The following EEIG2 variants were observed in gnomAD, a reference collection of about 807,000 sequenced individuals.
The protein encoded by EEIG2 is EEIG family member 2, also known as family with sequence similarity 102 member B.
chr1:108,600,692 A>C, the EEIG2 span: 719 of 1,601,690 alleles, frequency 4.5e-4, no homozygotes, highest in Non-Finnish European at 5.9e-4. Flanking sequence ...GGAAGGTATA[A>C]AAATAGCCTA....
the EEIG2 span, among the ~76,000 whole-genome samples, chr1:108,565,078 TATTA>T: frequency 6.6e-6 from 1 of 152,380 alleles, no homozygotes; most frequent in South Asian, 2.1e-4. Context: ...TAATAAATAT[TATTA>T]AAATGGTCAG....
At chr1:108,629,992 A>G in the EEIG2 span, among the ~76,000 whole-genome samples, 1 of 152,162 alleles carries the variant, frequency 6.6e-6, no homozygotes, top group East Asian at 1.9e-4. Flanking sequence ...TTTTTTATTA[A>G]TTTATTTTCT....
chr1:108,618,191 AG>A, the EEIG2 span, among the ~76,000 whole-genome samples: 1 of 152,208 alleles, frequency 6.6e-6, no homozygotes, highest in South Asian at 2.1e-4. Context: ...GATCCAGAAA[AG>A]GGACTGTTGC....
At chr1:108,629,938 A>C in the EEIG2 span, 1 of 381,810 alleles carries the variant, frequency 2.6e-6, no homozygotes, top group Admixed American at 4.2e-5. Flanking sequence ...GTTGCAATAT[A>C]AAAGGACACT....
chr1:108,560,453 T>C, the EEIG2 span: 1 of 1,611,994 alleles, frequency 6.2e-7, no homozygotes, highest in South Asian at 1.1e-5. Flanking sequence ...GAAGTTTAAG[T>C]TTAAGGTGGA....
the EEIG2 span, among the ~76,000 whole-genome samples, chr1:108,602,275 C>T: frequency 6.6e-6 from 1 of 152,126 alleles, no homozygotes; most frequent in African/African-American, 2.4e-5. Context: ...CTCTGGGTGG[C>T]TTTAAACAAC....
chr1:108,635,347 G>C, the EEIG2 span: 1 of 621,306 alleles, frequency 1.6e-6, no homozygotes, highest in Non-Finnish European at 2.8e-6. Context: ...GCAGTCTCCA[G>C]GCACTGTGCC....
chr1:108,622,164 AAAAAG>A, the EEIG2 span, among the ~76,000 whole-genome samples: 2 of 152,242 alleles, frequency 1.3e-5, no homozygotes, highest in Non-Finnish European at 2.9e-5. Context: ...TCAAAAAAGA[AAAAAG>A]AAAGGAGAAA....
chr1:108,637,260 A>G, the EEIG2 span: 1 of 152,250 alleles, frequency 6.6e-6, no homozygotes, highest in African/African-American at 2.4e-5. Context: ...ATATTTTAAT[A>G]AATAGAAACA....
chr1:108,638,929 T>C, the EEIG2 span: 1 of 152,248 alleles, frequency 6.6e-6, no homozygotes, highest in East Asian at 1.9e-4. Flanking sequence ...ATTTTTAATT[T>C]ACACAATGTA....
At chr1:108,571,464 GGA>G in the EEIG2 span, among the ~76,000 whole-genome samples, 2 of 152,232 alleles carry the variant, frequency 1.3e-5, no homozygotes, top group East Asian at 3.9e-4. Flanking sequence ...GAATGAGTTG[GGA>G]GAGAGAGGAG....
At chr1:108,612,151 T>C in the EEIG2 span, 1 of 1,488,574 alleles carries the variant, frequency 6.7e-7, no homozygotes, top group East Asian at 2.3e-5. Flanking sequence ...AGATAGTCTA[T>C]TAATATAATT....
the EEIG2 span, among the ~76,000 whole-genome samples, chr1:108,581,444 T>A: frequency 2.0e-5 from 3 of 152,180 alleles, no homozygotes; most frequent in Admixed American, 2.0e-4. Flanking sequence ...CTGATGGACC[T>A]GAGTAAATTA....
chr1:108,623,683 T>C, the EEIG2 span, among the ~76,000 whole-genome samples: 2 of 152,130 alleles, frequency 1.3e-5, no homozygotes, highest in African/African-American at 4.8e-5. Context: ...AAAAATATTT[T>C]TTTTTTGAGA....
the EEIG2 span, among the ~76,000 whole-genome samples, chr1:108,584,208 A>G: frequency 6.6e-6 from 1 of 152,148 alleles, no homozygotes; most frequent in East Asian, 1.9e-4. Context: ...TATTTTATTT[A>G]TTTTTAGGAG....
At chr1:108,635,146 G>A in the EEIG2 span, 20 of 1,613,988 alleles carry the variant, frequency 1.2e-5, no homozygotes, top group Non-Finnish European at 1.5e-5. Context: ...GTGATCAAAC[G>A]CTAGAAGTCA....
chr1:108,625,107 A>G, the EEIG2 span: 1 of 190,362 alleles, frequency 5.3e-6, no homozygotes, highest in Non-Finnish European at 1.1e-5. Context: ...TCCCTCTGTC[A>G]GTGGTTCTCA....
the EEIG2 span, chr1:108,625,449 G>A: frequency 1.3e-5 from 2 of 152,198 alleles, no homozygotes; most frequent in Non-Finnish European, 2.9e-5. Flanking sequence ...AGGGAAAGGT[G>A]AAGTTATATA....
chr1:108,579,738 G>GTT, the EEIG2 span, among the ~76,000 whole-genome samples: 1 of 107,976 alleles, frequency 9.3e-6, no homozygotes, highest in East Asian at 2.5e-4. Flanking sequence ...TTGTTTTTTT[G>GTT]GTGTGTGTGT....
Sources: allele counts gnomAD v4.1 joint callset (sites outside exome capture counted in the v4.1 genomes callset), GRCh38; gene constraint gnomAD v4.1.1; transcripts MANE v1.5; gene names NCBI Gene and HGNC (gene_info 2026-07-23, HGNC 2026-07-21).